The following ZFYVE9 variants were observed in gnomAD, a reference collection of about 807,000 sequenced individuals.
The protein encoded by ZFYVE9 is zinc finger FYVE domain-containing protein 9.
In ZFYVE9, 43 loss-of-function variants were observed where a neutral mutation model predicts 126.7. That is an observed-to-expected ratio of 0.34 (90% CI 0.27 to 0.44). The LOEUF is 0.44. Among genes scored for constraint, ZFYVE9 ranks in the 20% least tolerant of loss-of-function variants. The pLI is 1.00. For missense variants in ZFYVE9, 1,476 were observed against 1,697.0 expected (o/e 0.87, Z 2.29); for synonymous variants, 521 against 597.4 (o/e 0.87, Z 1.87).
intron 15 of ZFYVE9, among the ~76,000 whole-genome samples, chr1:52,335,901 AG>A (rs910018801): frequency 6.6e-6 from 1 of 152,132 alleles, no homozygotes; most frequent in East Asian, 1.9e-4. Flanking sequence ...TGGGAGGCCG[AG>A]GGGGGCAGAT....
chr1:52,161,566 C>G (rs997164274), intron 1 of ZFYVE9, among the ~76,000 whole-genome samples: 12 of 152,166 alleles, frequency 7.9e-5, no homozygotes, highest in African/African-American at 2.7e-4. Flanking sequence ...GCTAGGATTA[C>G]CGGTGTGAGC....
intron 1 of ZFYVE9, among the ~76,000 whole-genome samples, chr1:52,199,391 G>C (rs906460684): frequency 2.0e-5 from 3 of 152,168 alleles, no homozygotes; most frequent in African/African-American, 7.2e-5. Flanking sequence ...TATTTCTGTA[G>C]TTTCGACTTT....
chr1:52,167,453 C>T (rs1644524367), intron 1 of ZFYVE9, among the ~76,000 whole-genome samples: 1 of 152,126 alleles, frequency 6.6e-6, no homozygotes, highest in Non-Finnish European at 1.5e-5. Flanking sequence ...CATGAAGACC[C>T]ATCTCACTCA....
intron 16 of ZFYVE9, 40 bp downstream of exon 16, chr1:52,337,974 T>C (rs1646403990): frequency 3.8e-6 from 6 of 1,592,334 alleles, no homozygotes; most frequent in South Asian, 3.4e-5. Context: ...CTTTTAGTTA[T>C]AGGTTAGGCT....
rs193144460 is a variant in ZFYVE9 at position 52,176,774 on chromosome 1, G to A, written c.-143+34371G>A. On this transcript the variant is annotated intron_variant, in intron 1 of 18. Coordinates refer to ENST00000287727, the MANE Select transcript of ZFYVE9 (RefSeq NM_004799.4). ...CTGTGCTAGCAATCAGCGAGACTCC[G>A]TGGGCATAGGACCCTCCGAGCCAGG... Among the ~76,000 whole-genome samples the A allele has an allele frequency of 8.4e-3, 1,276 of 152,266 alleles. 9 individuals are homozygous for A. The highest frequency in any genetic ancestry group is 0.014 in the Non-Finnish European group (923 of 68,020).
chr1:52,254,071 AC>A, intron 4 of ZFYVE9: 1 of 767,544 alleles, frequency 1.3e-6, no homozygotes, highest in Middle Eastern at 2.4e-4. Context: ...TGGAAAAGAC[AC>A]CCACCCATAT....
intron 1 of ZFYVE9, chr1:52,179,936 A>C (rs949105331): frequency 2.4e-5 from 25 of 1,056,618 alleles, no homozygotes; most frequent in Middle Eastern, 6.2e-4. Flanking sequence ...AGGAGGCAGA[A>C]GATGAGCAGC....
chr1:52,195,923 G>A (rs185659873), intron 1 of ZFYVE9, among the ~76,000 whole-genome samples: 1 of 151,956 alleles, frequency 6.6e-6, no homozygotes, highest in African/African-American at 2.4e-5. Flanking sequence ...CTCCCGAGTA[G>A]CCGGGACTAT....
chr1:52,214,355 A>G (rs945515434), intron 1 of ZFYVE9, among the ~76,000 whole-genome samples: 1 of 152,134 alleles, frequency 6.6e-6, no homozygotes, highest in East Asian at 1.9e-4. Flanking sequence ...TGAACCTGGG[A>G]GGTGGAGGTT....
At chr1:52,283,630 T>C (rs759983773) in intron 10 of ZFYVE9, among the ~76,000 whole-genome samples, 9 of 152,160 alleles carry the variant, frequency 5.9e-5, no homozygotes, top group Non-Finnish European at 1.2e-4. Flanking sequence ...ATGATTCCAT[T>C]TATATGGTTT....
intron 4 of ZFYVE9, among the ~76,000 whole-genome samples, chr1:52,247,405 A>G (rs1645397019): frequency 6.6e-6 from 1 of 152,182 alleles, no homozygotes; most frequent in African/African-American, 2.4e-5. Context: ...ATAACATAAA[A>G]TTTACCAGTG....
intron 12 of ZFYVE9, among the ~76,000 whole-genome samples, chr1:52,296,289 G>A (rs1645974702): frequency 6.6e-6 from 1 of 151,890 alleles, no homozygotes; most frequent in African/African-American, 2.4e-5. Flanking sequence ...ATTATTGTGA[G>A]GACTAGAAGT....
chr1:52,213,393 G>A (rs1457043949), intron 1 of ZFYVE9, among the ~76,000 whole-genome samples: 1 of 152,106 alleles, frequency 6.6e-6, no homozygotes, highest in Non-Finnish European at 1.5e-5. Context: ...GCTCACGTCT[G>A]TAATCCTAGC....
At chr1:52,231,775 T>C (rs1572119197) in intron 2 of ZFYVE9, among the ~76,000 whole-genome samples, 1 of 151,966 alleles carries the variant, frequency 6.6e-6, no homozygotes, top group East Asian at 2.0e-4. Flanking sequence ...AGGCACACGC[T>C]ACCACTCCTG....
At chr1:52,263,223 T>G (rs746293113) in intron 4 of ZFYVE9, among the ~76,000 whole-genome samples, 1 of 152,186 alleles carries the variant, frequency 6.6e-6, no homozygotes, top group Non-Finnish European at 1.5e-5. Context: ...GATTGCCTGC[T>G]GTGATTTCCT....
chr1:52,340,734 C>T (rs1646427228), intron 17 of ZFYVE9, among the ~76,000 whole-genome samples: 1 of 151,580 alleles, frequency 6.6e-6, no homozygotes, highest in Non-Finnish European at 1.5e-5. Context: ...ACCCCATACC[C>T]ACTAAAAATA....
At chr1:52,262,870 GAGA>G (rs1645592737) in intron 4 of ZFYVE9, among the ~76,000 whole-genome samples, 2 of 152,062 alleles carry the variant, frequency 1.3e-5, no homozygotes, top group East Asian at 3.9e-4. Context: ...TCAGGAGTTT[GAGA>G]CTAGCCTGGC....
At chr1:52,316,102 T>TG (rs1646181079) in intron 13 of ZFYVE9, among the ~76,000 whole-genome samples, 1 of 127,358 alleles carries the variant, frequency 7.9e-6, no homozygotes, top group Non-Finnish European at 1.6e-5. Context: ...AAGGCAGAGG[T>TG]TGCAGTGAGC....
chr1:52,192,058 T>A (rs1415797078), intron 1 of ZFYVE9, among the ~76,000 whole-genome samples: 1 of 150,116 alleles, frequency 6.7e-6, no homozygotes, highest in Non-Finnish European at 1.5e-5. Flanking sequence ...AACAAGCACC[T>A]GAAACACAGT....
Sources: allele counts gnomAD v4.1 joint callset (sites outside exome capture counted in the v4.1 genomes callset), GRCh38; gene constraint gnomAD v4.1.1; transcripts MANE v1.5; gene names NCBI Gene and HGNC (gene_info 2026-07-23, HGNC 2026-07-21).